CENPI: variants seen among roughly 807,000 people sequenced by gnomAD.
The protein encoded by CENPI is centromere protein I.
Under a neutral mutation model 60.4 loss-of-function variants are expected in CENPI, and 4 were observed. The ratio of observed to expected loss-of-function variants is 0.07; its 90% CI spans 0.03 to 0.15. The LOEUF (loss-of-function observed/expected upper bound fraction) is 0.15, where lower values mean the gene tolerates loss of function less well. Ranked by LOEUF, CENPI falls within the 10% of genes least tolerant of loss-of-function variation. The pLI is 1.00. For synonymous variants in CENPI, 157 were observed against 189.4 expected (o/e 0.83, Z 1.40); for missense variants, 444 against 534.5 (o/e 0.83, Z 1.67).
chrX:101,101,605 A>G (rs141906538), intron 3 of CENPI, among the ~76,000 whole-genome samples: 2,490 of 109,609 alleles, frequency 0.023, 62 homozygotes, highest in African/African-American at 0.079. Context: ...GATGTCAGGC[A>G]TCTACTCTTA....
intron 2 of CENPI, among the ~76,000 whole-genome samples, chrX:101,099,062 C>G (rs184012862): frequency 9.1e-6 from 1 of 110,446 alleles, no homozygotes; most frequent in Non-Finnish European, 1.9e-5. Flanking sequence ...TTCTTTCTTT[C>G]TGTCTCTGTC....
intron 4 of CENPI, among the ~76,000 whole-genome samples, chrX:101,103,607 C>T (rs2089448799): frequency 8.9e-6 from 1 of 112,188 alleles, no homozygotes; most frequent in African/African-American, 3.2e-5. Flanking sequence ...TTCCAAAGTG[C>T]TGGGATTACA....
intron 16 of CENPI, among the ~76,000 whole-genome samples, chrX:101,141,734 C>T (rs1051380300): frequency 2.7e-5 from 3 of 110,604 alleles, no homozygotes; most frequent in African/African-American, 9.9e-5. Flanking sequence ...ATTACCTCCA[C>T]CTGCCCCCCC....
At chrX:101,114,655 CT>C (rs1391044265) in intron 6 of CENPI, among the ~76,000 whole-genome samples, 3 of 111,790 alleles carry the variant, frequency 2.7e-5, no homozygotes, top group East Asian at 2.8e-4. Context: ...TTTTTTCCCC[CT>C]GAGACAGAGT....
chrX:101,113,936 T>G (rs893587579), intron 6 of CENPI, among the ~76,000 whole-genome samples: 1 of 112,000 alleles, frequency 8.9e-6, no homozygotes, highest in Admixed American at 9.5e-5. Flanking sequence ...GTAATCCTTT[T>G]TTTCTTTTCT....
At chrX:101,148,617 A>G (rs2089981522) in intron 20 of CENPI, among the ~76,000 whole-genome samples, 1 of 112,179 alleles carries the variant, frequency 8.9e-6, no homozygotes, top group African/African-American at 3.2e-5. Context: ...GATTGATATC[A>G]ATATGCAGGC....
At chrX:101,169,919 A>G (rs1006261339), downstream of CENPI, among the ~76,000 whole-genome samples, 2 of 108,130 alleles carry the variant, frequency 1.8e-5, no homozygotes, top group South Asian at 4.2e-4. Flanking sequence ...ACAGCTGTAC[A>G]ATGTTTGTGT....
At chrX:101,122,781 C>G (rs951819283) in intron 8 of CENPI, among the ~76,000 whole-genome samples, 3 of 111,391 alleles carry the variant, frequency 2.7e-5, no homozygotes, top group African/African-American at 9.8e-5. Context: ...GAGGCTGAGG[C>G]AGGAGAATTG....
At chrX:101,115,013 G>T (rs1244387692) in intron 6 of CENPI, among the ~76,000 whole-genome samples, 2 of 108,827 alleles carry the variant, frequency 1.8e-5, no homozygotes, top group Non-Finnish European at 3.8e-5. Context: ...ACCCAGGCTG[G>T]AGTGCAATGA....
At chrX:101,155,482 A>G (rs1365783539) in intron 20 of CENPI, among the ~76,000 whole-genome samples, 2 of 111,615 alleles carry the variant, frequency 1.8e-5, no homozygotes, top group East Asian at 5.6e-4. Context: ...GAGCCACCAC[A>G]CCTGGCCGAA....
intron 12 of CENPI, 89 bp downstream of exon 12, chrX:101,128,925 A>G: frequency 2.7e-6 from 2 of 753,495 alleles, no homozygotes; most frequent in Non-Finnish European, 4.0e-6. Context: ...GAGCCTTCAT[A>G]TGCTGTAATT....
rs780367557 is a variant in CENPI, at chrX:101,162,748, A to G, written c.2137-85A>G. ...TGATATGTGCATGCGGGATGCTGCA[A>G]ACTCTTCCTAGGGAAAGAGGAGGAA... is the stretch of plus-strand genomic sequence containing the variant. On this transcript the variant is annotated intron_variant, in intron 21 of 21. Coordinates refer to ENST00000682095, the MANE Select transcript of CENPI (RefSeq NM_001386188.2). 8.6e-4 allele frequency: 919 copies of G among 1,068,978 alleles called. 3 individuals are homozygous for G. The highest frequency in any genetic ancestry group is 7.3e-3 in the Middle Eastern group (28 of 3,831). The allele number at this position is 1,068,978 out of a possible 1,213,427, so 88.1% of individuals were successfully genotyped here.
chrX:101,106,336 T>A (rs1297787989), intron 4 of CENPI, among the ~76,000 whole-genome samples: 1 of 111,443 alleles, frequency 9.0e-6, no homozygotes, highest in Non-Finnish European at 1.9e-5. Flanking sequence ...GTGTAGAAAG[T>A]GATGAGATAT....
At chrX:101,119,189 A>G (rs1315271673) in intron 6 of CENPI, among the ~76,000 whole-genome samples, 4 of 111,974 alleles carry the variant, frequency 3.6e-5, no homozygotes, top group African/African-American at 1.3e-4. Context: ...TCAAAAAATA[A>G]AATAAAAATT....
At chrX:101,131,484 G>C (rs766387102) in intron 13 of CENPI, among the ~76,000 whole-genome samples, 4 of 111,784 alleles carry the variant, frequency 3.6e-5, no homozygotes, top group Non-Finnish European at 5.6e-5. Flanking sequence ...TTTCACTTAA[G>C]AGATGCCTAA....
At chrX:101,139,799 G>A (rs1470478992) in intron 15 of CENPI, among the ~76,000 whole-genome samples, 1 of 107,151 alleles carries the variant, frequency 9.3e-6, no homozygotes, top group Non-Finnish European at 1.9e-5. Flanking sequence ...TGCCCTGGAC[G>A]AATTTATGTC....
At chrX:101,170,633 GTCTTTTT>G (rs1354695826), downstream of CENPI, among the ~76,000 whole-genome samples, 1 of 111,631 alleles carries the variant, frequency 9.0e-6, no homozygotes, top group Non-Finnish European at 1.9e-5. Context: ...TTCCAAAGCA[GTCTTTTT>G]TCTTTTTTCT....
At chrX:101,127,768 A>G in intron 11 of CENPI, 103 bp downstream of exon 11, 3 of 635,494 alleles carry the variant, frequency 4.7e-6, no homozygotes, top group Non-Finnish European at 7.2e-6. Context: ...ATAGGGTCTT[A>G]CCTGTCACCC....
intron 6 of CENPI, among the ~76,000 whole-genome samples, chrX:101,113,791 C>T (rs1256452621): frequency 1.8e-5 from 2 of 112,287 alleles, no homozygotes; most frequent in Non-Finnish European, 3.8e-5. Flanking sequence ...GAAAATGTCT[C>T]TACTTTGCCC....
Sources: allele counts gnomAD v4.1 joint callset (sites outside exome capture counted in the v4.1 genomes callset), GRCh38; gene constraint gnomAD v4.1.1; transcripts MANE v1.5; gene names NCBI Gene and HGNC (gene_info 2026-07-23, HGNC 2026-07-21).